EYS: variants seen among roughly 807,000 people sequenced by gnomAD.
The protein encoded by EYS is EGF-like photoreceptor maintenance factor.
A neutral mutation model predicts 282.1 loss-of-function variants in EYS; 250 were observed. The ratio of observed to expected loss-of-function variants is 0.89; its 90% confidence interval spans 0.80 to 0.98. The LOEUF (loss-of-function observed/expected upper bound fraction) is 0.98. Ranked by LOEUF, EYS falls within the 50% of genes least tolerant of loss-of-function variation. The pLI is 0.00. For missense variants in EYS, 4,016 were observed against 3,709.0 expected (o/e 1.08, Z -2.15); for synonymous variants, 1,355 against 1,282.9 (o/e 1.06, Z -1.20).
intron 12 of EYS, among the ~76,000 whole-genome samples, chr6:65,238,853 T>C (rs1263602153): frequency 7.5e-6 from 1 of 133,910 alleles, no homozygotes; most frequent in East Asian, 2.0e-4. Context: ...CACCCAAATT[T>C]TGGTAACATA....
rs530751218 is a variant in EYS, at chr6:64,635,969, G to A, written c.3444-9724C>T. On this transcript the variant is annotated intron_variant, in intron 22 of 42. Coordinates refer to ENST00000503581, the MANE Select transcript of EYS (RefSeq NM_001142800.2). Reference sequence around the variant, plus strand: ...ATCTGGTCCTGGACTTTTTTTGGTTGGTAAGCTATTGATTATTGCCACAAT... The same window carrying A: ...ATCTGGTCCTGGACTTTTTTTGGTTAGTAAGCTATTGATTATTGCCACAAT... 7.2e-5 allele frequency among the ~76,000 whole-genome samples: 11 copies of A among 152,092 alleles called. No homozygotes were observed. In the South Asian group the frequency reaches 1.0e-3, roughly 14 times the overall value.
At chr6:64,564,576 C>A (rs113573827) in intron 26 of EYS, among the ~76,000 whole-genome samples, 136 of 152,130 alleles carry the variant, frequency 8.9e-4, no homozygotes, top group African/African-American at 3.1e-3. Flanking sequence ...CCACCATGCC[C>A]AGCCTTTTTT....
At chr6:63,846,579 C>T (rs578072260) in intron 36 of EYS, among the ~76,000 whole-genome samples, 3 of 152,192 alleles carry the variant, frequency 2.0e-5, no homozygotes, top group Non-Finnish European at 4.4e-5. Flanking sequence ...CAGATTTATC[C>T]TCTGGAAAAG....
chr6:63,766,863 G>A (rs955068379), intron 40 of EYS, among the ~76,000 whole-genome samples: 5 of 151,866 alleles, frequency 3.3e-5, no homozygotes, highest in African/African-American at 1.2e-4. Context: ...TAGCAATATA[G>A]TAAAGGGAAA....
intron 8 of EYS, among the ~76,000 whole-genome samples, chr6:65,360,193 C>G (rs182117130): frequency 1.2e-3 from 182 of 151,600 alleles, no homozygotes; most frequent in African/African-American, 4.3e-3. Flanking sequence ...AGTTTAAGTA[C>G]TAATAAATTA....
intron 29 of EYS, among the ~76,000 whole-genome samples, chr6:64,330,757 G>A (rs189854263): frequency 6.6e-6 from 1 of 152,048 alleles, no homozygotes; most frequent in Non-Finnish European, 1.5e-5. Context: ...GAGCAGAGGG[G>A]GTATCGCTTG....
At chr6:64,200,112 G>C (rs1007767813) in intron 31 of EYS, among the ~76,000 whole-genome samples, 1 of 152,130 alleles carries the variant, frequency 6.6e-6, no homozygotes, top group Non-Finnish European at 1.5e-5. Flanking sequence ...AACTATATGA[G>C]AGACTGGAAA....
chr6:65,329,970 A>C (rs1223892847), intron 11 of EYS: 2 of 979,316 alleles, frequency 2.0e-6, no homozygotes, highest in African/African-American at 3.5e-5. Context: ...TTACACAGAA[A>C]ATGTGAATCT....
chr6:64,179,908 T>C (rs1171287013), intron 31 of EYS, among the ~76,000 whole-genome samples: 1 of 152,110 alleles, frequency 6.6e-6, no homozygotes, highest in Non-Finnish European at 1.5e-5. Flanking sequence ...GTATAATTGA[T>C]AAATATATGA....
intron 2 of EYS, among the ~76,000 whole-genome samples, chr6:65,555,892 A>G (rs1582450838): frequency 6.6e-6 from 1 of 152,230 alleles, no homozygotes; most frequent in East Asian, 1.9e-4. Context: ...GGCAATTGAA[A>G]CTTTTAAAAT....
intron 5 of EYS, among the ~76,000 whole-genome samples, chr6:65,452,029 T>C (rs1764418229): frequency 6.6e-6 from 1 of 151,714 alleles, no homozygotes; most frequent in African/African-American, 2.4e-5. Flanking sequence ...TAATCTTAAT[T>C]TTTAATATGC....
At chr6:65,705,495 C>T (rs915004883) in intron 1 of EYS, among the ~76,000 whole-genome samples, 3 of 152,196 alleles carry the variant, frequency 2.0e-5, no homozygotes, top group South Asian at 2.1e-4. Flanking sequence ...TGTTTTTTAA[C>T]GCATTAACTC....
At chr6:64,305,817 G>T (rs1277471533) in intron 30 of EYS, among the ~76,000 whole-genome samples, 4 of 152,130 alleles carry the variant, frequency 2.6e-5, no homozygotes, top group Non-Finnish European at 5.9e-5. Flanking sequence ...ATAGAATTTG[G>T]CAGTTATTTC....
At chr6:64,105,451 G>A (rs1279257470) in intron 31 of EYS, among the ~76,000 whole-genome samples, 2 of 151,960 alleles carry the variant, frequency 1.3e-5, no homozygotes, top group African/African-American at 4.8e-5. Flanking sequence ...CTGAAACATC[G>A]TCAAAGTCTA....
At chr6:65,380,618 A>T (rs1765573478) in intron 8 of EYS, among the ~76,000 whole-genome samples, 1 of 152,166 alleles carries the variant, frequency 6.6e-6, no homozygotes, top group Non-Finnish European at 1.5e-5. Context: ...AAAATTGACA[A>T]ATGGGATCTA....
chr6:64,401,231 C>T (rs1773529020), intron 28 of EYS, among the ~76,000 whole-genome samples: 1 of 152,052 alleles, frequency 6.6e-6, no homozygotes, highest in South Asian at 2.1e-4. Context: ...CATTTTTGAG[C>T]ATTACAATCG....
At chr6:64,339,941 A>T (rs1372119272) in intron 29 of EYS, among the ~76,000 whole-genome samples, 1 of 151,746 alleles carries the variant, frequency 6.6e-6, no homozygotes, top group East Asian at 1.9e-4. Flanking sequence ...TACAAGTTGG[A>T]TTCAGTGAAT....
chr6:64,206,775 G>T (rs975326340), intron 31 of EYS, among the ~76,000 whole-genome samples: 18 of 152,064 alleles, frequency 1.2e-4, no homozygotes, highest in African/African-American at 4.3e-4. Context: ...TTAGAAGAAA[G>T]ATTTTTTGAT....
intron 37 of EYS, among the ~76,000 whole-genome samples, chr6:63,803,576 G>A (rs954446437): frequency 6.6e-6 from 1 of 152,174 alleles, no homozygotes; most frequent in African/African-American, 2.4e-5. Flanking sequence ...AACCGCTGGG[G>A]AAATACTAAT....
Sources: gnomAD v4.1 joint callset for allele counts (sites outside exome capture counted in the v4.1 genomes callset) on GRCh38, gnomAD v4.1.1 for gene constraint, MANE v1.5 for transcripts, NCBI Gene and HGNC (gene_info 2026-07-23, HGNC 2026-07-21) for gene names.